WWP2: variants seen among roughly 807,000 people sequenced by gnomAD.
WWP2 encodes the protein WW domain containing E3 ubiquitin protein ligase 2.
Under a neutral mutation model 121.0 loss-of-function variants are expected in WWP2, and 57 were observed. That is an observed-to-expected ratio of 0.47 (90% confidence interval 0.38 to 0.59). WWP2 has a LOEUF of 0.59. WWP2 is among the 20% of genes least tolerant of loss of function. WWP2 has a pLI of 0.00. For synonymous variants in WWP2, 449 were observed against 441.3 expected, an observed-to-expected ratio of 1.02 and a Z score of -0.22; for missense variants, 962 against 1,158.9, an observed-to-expected ratio of 0.83 and a Z score of 2.47.
chr16:69,810,371 T>C (rs1356021222), intron 4 of WWP2, among the ~76,000 whole-genome samples: 1 of 152,168 alleles, frequency 6.6e-6, no homozygotes, highest in Non-Finnish European at 1.5e-5. Flanking sequence ...AAGGTAGTTC[T>C]AGTCATCTCT....
Position 69,937,849 on chromosome 16 carries a change from A to G in WWP2, c.2343+197A>G, listed in dbSNP as rs1037638042. On this transcript the variant is annotated intron_variant, in intron 21 of 23. Coordinates refer to ENST00000359154, the MANE Select transcript of WWP2 (RefSeq NM_001270454.2). The surrounding 1 kb of genome is among the most constrained non-coding windows in gnomAD (Gnocchi z 6.6). ...CTGAGTGGTGGCCAGTGGATGTGAC[A>G]GGAGGTCGTCAGTGGTCAGCCTTGG... is the stretch of plus-strand genomic sequence containing the variant. Among the ~76,000 whole-genome samples the G allele has an allele frequency of 1.3e-5, 2 of 152,196 alleles. No individual in the cohort carries two copies. The highest frequency in any genetic ancestry group is 2.9e-5 in the Non-Finnish European group (2 of 68,034).
In WWP2 at chr16:69,799,059, G is replaced by A. The variant is rs2056108455; in HGVS notation, c.219-115G>A. ...GAGAGGGGAAAGGATATATGTGGGT[G>A]TCTGCCTGTTTTGGTTCCCCCTCCC... On this transcript the variant is annotated intron_variant, in intron 3 of 23. Coordinates refer to ENST00000359154, the MANE Select transcript of WWP2 (RefSeq NM_001270454.2). This position sits in a 1 kb window ranked among gnomAD's most constrained non-coding sequence, Gnocchi z 4.5. The A allele has an allele frequency of 1.4e-6, 2 of 1,470,814 alleles. No individual in the cohort carries two copies. Among genetic ancestry groups the A allele is most frequent in the Non-Finnish European group, 9.2e-7 (1 of 1,089,154 alleles). 91.1% of individuals were successfully genotyped at this position (1,470,814 alleles called of 1,614,324 possible).
At chr16:69,841,030 G>A (rs891874175) in intron 5 of WWP2, among the ~76,000 whole-genome samples, 5 of 152,178 alleles carry the variant, frequency 3.3e-5, no homozygotes, top group African/African-American at 9.7e-5. Context: ...GGTGTTTGGG[G>A]TGCTTTGGTG....
rs1251069588 is a variant in WWP2 at position 69,871,906 on chromosome 16, C to T, written c.678C>T (p.Gly226=). The T allele has an allele frequency of 6.2e-7, 1 of 1,613,882 alleles. No homozygotes were observed. Among genetic ancestry groups the T allele is most frequent in the Non-Finnish European group, 8.5e-7 (1 of 1,180,006 alleles). Residue 226 remains glycine (G), a synonymous_variant, in exon 7 of 24, where the codon GGC becomes GGT. Coordinates refer to ENST00000359154, the MANE Select transcript of WWP2 (RefSeq NM_001270454.2). The part of the protein sequence containing the change: ...SRHRQPVKNS[G]HSGLANGTVN... The stretch of plus-strand genomic sequence containing the variant: ...ACCGCCAGCCCGTCAAGAACTCAGG[C>T]CACAGTGGCTTGGCCAATGGCACAG...
At chr16:69,768,843 C>T (rs548682836) in intron 1 of WWP2, among the ~76,000 whole-genome samples, 3 of 152,278 alleles carry the variant, frequency 2.0e-5, no homozygotes, top group Non-Finnish European at 4.4e-5. Context: ...GTAAGGATGT[C>T]ATTTGGCAAA....
At chr16:69,831,433 G>A (rs1416511049) in intron 4 of WWP2, among the ~76,000 whole-genome samples, 1 of 152,146 alleles carries the variant, frequency 6.6e-6, no homozygotes, top group African/African-American at 2.4e-5. Flanking sequence ...GCATGGTCTG[G>A]CAGTTACAGT....
chr16:69,891,900 G>A (rs539259149), intron 8 of WWP2, among the ~76,000 whole-genome samples: 43 of 152,244 alleles, frequency 2.8e-4, no homozygotes, highest in South Asian at 6.2e-4. Flanking sequence ...CCTGACATCC[G>A]TTCAGTCATC....
chr16:69,929,553 G>A, intron 12 of WWP2, 24 bp downstream of exon 12: 1 of 1,608,806 alleles, frequency 6.2e-7, no homozygotes, highest in Non-Finnish European at 8.5e-7. Context: ...CTGAGAGGGG[G>A]GCCGGGCTGG....
intron 4 of WWP2, among the ~76,000 whole-genome samples, chr16:69,815,523 G>A (rs1411322610): frequency 1.3e-5 from 2 of 151,274 alleles, no homozygotes; most frequent in East Asian, 1.9e-4. Context: ...GGCTGGGCAC[G>A]GTGCCTGTAA....
At chr16:69,894,680 G>A (rs1180079645) in intron 8 of WWP2, among the ~76,000 whole-genome samples, 2 of 152,200 alleles carry the variant, frequency 1.3e-5, no homozygotes, top group African/African-American at 4.8e-5. Context: ...CAGGCCGTGG[G>A]CAATGGGAAG....
chr16:69,866,260 AG>A (rs1172412220), intron 6 of WWP2, among the ~76,000 whole-genome samples: 3 of 150,248 alleles, frequency 2.0e-5, no homozygotes, highest in East Asian at 3.9e-4. Flanking sequence ...TTTTAAAAAA[AG>A]GTTTCACATT....
intron 4 of WWP2, among the ~76,000 whole-genome samples, chr16:69,822,387 C>G (rs914630568): frequency 6.6e-6 from 1 of 152,162 alleles, no homozygotes; most frequent in African/African-American, 2.4e-5. Context: ...GACAGCATCC[C>G]TGTCCTCCTG....
At chr16:69,805,219 A>G (rs1377464927) in intron 4 of WWP2, among the ~76,000 whole-genome samples, 1 of 151,968 alleles carries the variant, frequency 6.6e-6, no homozygotes, top group Admixed American at 6.6e-5. Context: ...TATTTTTGGT[A>G]GAGACGGGGT....
At chr16:69,825,824 C>G (rs770713707) in intron 4 of WWP2, among the ~76,000 whole-genome samples, 6 of 151,824 alleles carry the variant, frequency 4.0e-5, no homozygotes, top group South Asian at 2.1e-4. Flanking sequence ...ACAGGATCTC[C>G]CTATGTTGCC....
chr16:69,777,622 C>CT (rs919583284), intron 1 of WWP2, among the ~76,000 whole-genome samples: 5 of 151,508 alleles, frequency 3.3e-5, no homozygotes, highest in African/African-American at 1.2e-4. Flanking sequence ...TTAAAAAAAT[C>CT]TTTTTATTTA....
intron 4 of WWP2, among the ~76,000 whole-genome samples, chr16:69,812,591 A>G (rs1181975818): frequency 1.4e-5 from 2 of 147,072 alleles, no homozygotes; most frequent in Non-Finnish European, 3.0e-5. Flanking sequence ...GAATCCTCCC[A>G]CTTCAGCCTC....
chr16:69,775,125 G>A (rs980846082), intron 1 of WWP2: 3 of 152,176 alleles, frequency 2.0e-5, no homozygotes, highest in Non-Finnish European at 4.4e-5. Context: ...TTGGACAAAA[G>A]GGGTATGATT....
intron 7 of WWP2, among the ~76,000 whole-genome samples, chr16:69,884,518 C>T (rs2057888972): frequency 6.6e-6 from 1 of 152,080 alleles, no homozygotes; most frequent in Admixed American, 6.6e-5. Flanking sequence ...GTCCCAGCTG[C>T]TTGAGAGGCT....
chr16:69,787,105 C>T, intron 2 of WWP2, 25 bp downstream of exon 2: 1 of 1,594,418 alleles, frequency 6.3e-7, no homozygotes, highest in Non-Finnish European at 8.5e-7. Flanking sequence ...ATAATGTCTT[C>T]ATCTTGTCTA....
Sources: allele counts gnomAD v4.1 joint callset (sites outside exome capture counted in the v4.1 genomes callset), GRCh38; gene constraint gnomAD v4.1.1; non-coding constraint Gnocchi (gnomAD v3.1); transcripts MANE v1.5; gene names NCBI Gene and HGNC (gene_info 2026-07-23, HGNC 2026-07-21).